The following PTGES3 variants were observed in gnomAD, a reference collection of about 807,000 sequenced individuals.
PTGES3 encodes Hsp90 co-chaperone.
Under a neutral mutation model 29.9 loss-of-function variants are expected in PTGES3, and 5 were observed. The observed-to-expected ratio is 0.17, with a 90% CI of 0.09 to 0.35. The LOEUF is 0.35. Among genes scored for constraint, PTGES3 ranks in the 10% least tolerant of loss-of-function variants. The pLI, the probability that PTGES3 is intolerant of heterozygous loss-of-function variation, is 1.00. For synonymous variants in PTGES3, 49 were observed against 57.8 expected, an observed-to-expected ratio of 0.85 and a Z score of 0.69; for missense variants, 128 against 190.0, an observed-to-expected ratio of 0.67 and a Z score of 1.92.
chr12:56,680,666 G>C (rs1952489769), intron 1 of PTGES3, among the ~76,000 whole-genome samples: 2 of 151,818 alleles, frequency 1.3e-5, no homozygotes, highest in South Asian at 4.2e-4. Context: ...ACAGGCGTGA[G>C]CCACCACACC....
In PTGES3 at chr12:56,680,425, G is replaced by A. The variant is rs1377290310; in HGVS notation, c.3-7360C>T. Among the ~76,000 whole-genome samples the A allele has an allele frequency of 2.0e-5, 3 of 150,416 alleles. No individual in the cohort carries two copies. In the East Asian group the frequency reaches 5.9e-4, roughly 29 times the overall value. The stretch of plus-strand genomic sequence containing the variant: ...GGGGGGACAGAGTTTCACTCTTGCT[G>A]CCCTGATTGGACTGCAACGGCGTCA... On this transcript the variant is annotated intron_variant, in intron 1 of 7. Coordinates refer to ENST00000262033, the MANE Select transcript of PTGES3 (RefSeq NM_006601.7).
At chr12:56,677,667 T>A (rs2137668699) in intron 1 of PTGES3, among the ~76,000 whole-genome samples, 1 of 148,932 alleles carries the variant, frequency 6.7e-6, no homozygotes, top group Non-Finnish European at 1.5e-5. Context: ...ATTATTATTA[T>A]TTTTTTTTGG....
chr12:56,682,866 T>A (rs1952614293), intron 1 of PTGES3, among the ~76,000 whole-genome samples: 1 of 151,910 alleles, frequency 6.6e-6, no homozygotes, highest in Non-Finnish European at 1.5e-5. Context: ...TAGCGGCACA[T>A]GCCTGTAGTC....
chr12:56,686,686 T>G (rs1592291294), intron 1 of PTGES3, among the ~76,000 whole-genome samples: 1 of 152,120 alleles, frequency 6.6e-6, no homozygotes, highest in Non-Finnish European at 1.5e-5. Context: ...CTAATTCAAA[T>G]TTTTTAAAAC....
intron 1 of PTGES3, among the ~76,000 whole-genome samples, chr12:56,682,640 G>A (rs1952597975): frequency 6.6e-6 from 1 of 150,756 alleles, no homozygotes; most frequent in African/African-American, 2.4e-5. Context: ...GTAAACCCAG[G>A]ACTTTGGGAG....
chr12:56,673,353 G>T (rs1952082366), intron 1 of PTGES3, among the ~76,000 whole-genome samples: 1 of 151,736 alleles, frequency 6.6e-6, no homozygotes, highest in Non-Finnish European at 1.5e-5. Context: ...TACTTGGCTG[G>T]GTGCAGTGGC....
intron 1 of PTGES3, chr12:56,687,570 G>A (rs1700302834): frequency 2.9e-6 from 3 of 1,031,662 alleles, no homozygotes; most frequent in Non-Finnish European, 3.5e-6. Context: ...CCCACCACAG[G>A]TGCACTCGAC....
At chr12:56,665,248 T>A in intron 6 of PTGES3, 1 of 985,318 alleles carries the variant, frequency 1.0e-6, no homozygotes, top group Non-Finnish European at 1.2e-6. Flanking sequence ...AAAAGTAGTT[T>A]AGTGTATCTT....
intron 3 of PTGES3, 108 bp from the exon 4 acceptor site, chr12:56,671,955 G>T: frequency 5.0e-6 from 3 of 604,370 alleles, no homozygotes; most frequent in East Asian, 3.4e-5. Flanking sequence ...AATTTTCTCT[G>T]GACTCTGAAA....
chr12:56,666,240 C>T lies in PTGES3; in HGVS notation c.402G>A (p.Glu134=). ...CATCTACTTCTGGTAAATCTACATC[C>T]TCATCACCACCCATGTTGTTCATCA... ...SEMMNNMGGD[E]DVDLPEVDGA... Residue 134 remains glutamate (E), a synonymous_variant, in exon 6 of 8, where the codon GAG becomes GAA. Transcript: ENST00000262033. 6.2e-7 allele frequency: 1 copy of T among 1,610,472 alleles called. No individual in the cohort carries two copies. Among genetic ancestry groups the T allele is most frequent in the Non-Finnish European group, 8.5e-7 (1 of 1,178,118 alleles).
intron 5 of PTGES3, 38 bp from the exon 6 acceptor site, chr12:56,666,304 TAA>T (rs549784791): frequency 1.8e-4 from 292 of 1,596,256 alleles, no homozygotes; most frequent in South Asian, 1.7e-3. Flanking sequence ...AAAATGATGT[TAA>T]GTTAGGCCCT....
intron 3 of PTGES3, among the ~76,000 whole-genome samples, 171 bp from the exon 4 acceptor site, chr12:56,672,018 T>A (rs550789883): frequency 1.3e-5 from 2 of 152,158 alleles, no homozygotes; most frequent in Non-Finnish European, 2.9e-5. Context: ...CAACCCCCTT[T>A]AAGTTTCATT....
intron 4 of PTGES3, among the ~76,000 whole-genome samples, chr12:56,671,376 G>T (rs1367965574): frequency 6.6e-6 from 1 of 152,134 alleles, no homozygotes; most frequent in Non-Finnish European, 1.5e-5. Flanking sequence ...TCCAGCCTGG[G>T]TGACAAAGAG....
chr12:56,685,307 T>C (rs890629665), intron 1 of PTGES3, among the ~76,000 whole-genome samples: 2 of 152,162 alleles, frequency 1.3e-5, no homozygotes, highest in Non-Finnish European at 2.9e-5. Flanking sequence ...AAGAATATTT[T>C]AGCTGGTCTC....
At chr12:56,673,696 G>A (rs1952097739) in intron 1 of PTGES3, among the ~76,000 whole-genome samples, 1 of 151,086 alleles carries the variant, frequency 6.6e-6, no homozygotes, top group Non-Finnish European at 1.5e-5. Flanking sequence ...GGGAGGCTGA[G>A]GCAGGAGCAT....
intron 1 of PTGES3, among the ~76,000 whole-genome samples, chr12:56,682,581 A>G (rs993995805): frequency 6.6e-6 from 1 of 151,916 alleles, no homozygotes; most frequent in South Asian, 2.1e-4. Context: ...TTCCCGGAAA[A>G]CCGCAAGTTC....
chr12:56,670,991 C>A (rs1371724626), intron 4 of PTGES3, among the ~76,000 whole-genome samples: 1 of 152,082 alleles, frequency 6.6e-6, no homozygotes, highest in Non-Finnish European at 1.5e-5. Flanking sequence ...TTCCTACAAT[C>A]CTAGCTATTT....
chr12:56,676,145 G>GGGAGGTGGAGGTGGAGGTGGAGGT (rs1203507147), intron 1 of PTGES3, among the ~76,000 whole-genome samples: 1 of 138,338 alleles, frequency 7.2e-6, no homozygotes, highest in African/African-American at 2.8e-5. Context: ...GAGGGGGAGG[G>GGGAGGTGGAGGTGGAGGTGGAGGT]GGAGGTGGAG....
At chr12:56,671,885 A>G in intron 3 of PTGES3, 38 bp from the exon 4 acceptor site, 1 of 1,276,174 alleles carries the variant, frequency 7.8e-7, no homozygotes, top group South Asian at 1.5e-5. Flanking sequence ...TTATCTTTCC[A>G]GCATCACTAC....
Sources: gnomAD v4.1 joint callset for allele counts (sites outside exome capture counted in the v4.1 genomes callset) on GRCh38, gnomAD v4.1.1 for gene constraint, MANE v1.5 for transcripts, NCBI Gene and HGNC (gene_info 2026-07-23, HGNC 2026-07-21) for gene names.